The following STAU1 variants were observed in gnomAD, a reference collection of about 807,000 sequenced individuals.
STAU1 encodes double-stranded RNA-binding protein Staufen homolog 1.
A neutral mutation model predicts 62.9 loss-of-function variants in STAU1; 13 were observed. The ratio of observed to expected loss-of-function variants is 0.21; its 90% CI spans 0.13 to 0.33. STAU1 has a LOEUF of 0.33. Among genes scored for constraint, STAU1 ranks in the 10% least tolerant of loss-of-function variants. STAU1 has a pLI of 1.00. For missense variants in STAU1, 571 were observed against 712.1 expected (o/e 0.80, Z 2.25); for synonymous variants, 269 against 265.1 (o/e 1.01, Z -0.14).
chr20:49,153,887 C>T (rs754947474), intron 4 of STAU1, 46 bp downstream of exon 4: 9 of 1,519,650 alleles, frequency 5.9e-6, no homozygotes, highest in East Asian at 2.3e-5. Flanking sequence ...AGATCAGACA[C>T]GTTTTCTCCT....
rs778157682 is a variant in STAU1 at position 49,121,267 on chromosome 20, C to T, written c.967-1139G>A. 4.0e-5 allele frequency among the ~76,000 whole-genome samples: 6 copies of T among 151,890 alleles called. No homozygotes were observed. The East Asian group carries it at 5.8e-4, about 15-fold the overall frequency. On this transcript the variant is annotated intron_variant, in intron 8 of 13. Coordinates refer to ENST00000371856, the MANE Select transcript of STAU1 (RefSeq NM_017453.4). ...ACTAAAAATACAAAAAGTAGCTGGG[C>T]GTGATGGTGGGCACCCGTGAATCCC...
At chr20:49,187,782 C>CT (rs11480640) in intron 1 of STAU1, among the ~76,000 whole-genome samples, 11 of 6,272 alleles carry the variant, frequency 1.8e-3, no homozygotes, top group Non-Finnish European at 3.7e-3. Flanking sequence ...GACCCCCCCC[C>CT]CCCCCCGCCT....
At chr20:49,160,301 A>G (rs1036735975) in intron 3 of STAU1, among the ~76,000 whole-genome samples, 2 of 152,230 alleles carry the variant, frequency 1.3e-5, no homozygotes, top group Non-Finnish European at 2.9e-5. Context: ...TCAAATGAAA[A>G]GAAACACTTG....
chr20:49,120,152 G>A lies in STAU1; in HGVS notation c.967-24C>T, dbSNP rs374772809. The stretch of plus-strand genomic sequence containing the variant: ...ACCTGCACAAAGAAGTCAAAACACA[G>A]ACCAGTGCTTAAACCTTCAGAATAA... On this transcript the variant is annotated intron_variant, in intron 8 of 13. Transcript: ENST00000371856. 8.0e-5 allele frequency: 128 copies of A among 1,603,898 alleles called. 1 individual carries two copies. The South Asian group carries it at 8.2e-4, about 10-fold the overall frequency.
chr20:49,202,879 A>G, the STAU1 span, among the ~76,000 whole-genome samples: 1 of 151,760 alleles, frequency 6.6e-6, no homozygotes, highest in Non-Finnish European at 1.5e-5. Flanking sequence ...TGTCTCTACT[A>G]AAAATACAAA....
chr20:49,155,809 G>A (rs1274441952), intron 3 of STAU1, among the ~76,000 whole-genome samples: 2 of 152,180 alleles, frequency 1.3e-5, no homozygotes, highest in Admixed American at 6.5e-5. Context: ...GAATTTGTCT[G>A]CAATAGAGAA....
upstream of STAU1, among the ~76,000 whole-genome samples, chr20:49,189,652 A>C (rs1053271509): frequency 6.6e-6 from 1 of 151,084 alleles, no homozygotes. Flanking sequence ...AGAATCTTGA[A>C]CTTCTGCACA....
chr20:49,217,024 C>T, the STAU1 span, among the ~76,000 whole-genome samples: 1 of 152,192 alleles, frequency 6.6e-6, no homozygotes, highest in Non-Finnish European at 1.5e-5. Flanking sequence ...GCTGATGTCT[C>T]TGAGCCCAGA....
chr20:49,153,906 CAAA>C (rs3092191), intron 4 of STAU1, 24 bp downstream of exon 4: 319,999 of 1,342,440 alleles, frequency 0.24, 6,354 homozygotes, highest in African/African-American at 0.44. Context: ...CTGTATTTTA[CAAA>C]AAAAAAAAAA....
chr20:49,125,511 T>C (rs572082812), intron 6 of STAU1, among the ~76,000 whole-genome samples: 10 of 114,266 alleles, frequency 8.8e-5, no homozygotes, highest in East Asian at 4.9e-4. Flanking sequence ...GCCTAAGCGA[T>C]AGAGTAAGAC....
rs112632454 is a variant in STAU1 at position 49,158,207 on chromosome 20, G to A, written c.206-4136C>T. Among the ~76,000 whole-genome samples, 71 of 152,174 alleles carry A rather than the reference G, an allele frequency of 4.7e-4. 2 individuals are homozygous for A. In the East Asian group the frequency reaches 5.3e-3, roughly 11 times the overall value. ...TGAGGCAAGAGAATCACTTGAACCC[G>A]GGAGGTTGCGGTTGCAGTGAGCCGA... On this transcript the variant is annotated intron_variant, in intron 3 of 13. Coordinates refer to ENST00000371856, the MANE Select transcript of STAU1 (RefSeq NM_017453.4).
chr20:49,126,241 T>C (rs2092609493), intron 6 of STAU1, among the ~76,000 whole-genome samples: 1 of 151,702 alleles, frequency 6.6e-6, no homozygotes, highest in Admixed American at 6.6e-5. Flanking sequence ...TCATGGACAT[T>C]ATCAAGAAAG....
intron 3 of STAU1, among the ~76,000 whole-genome samples, chr20:49,160,633 C>A (rs914222936): frequency 6.6e-6 from 1 of 152,126 alleles, no homozygotes; most frequent in African/African-American, 2.4e-5. Context: ...AGACTGAATT[C>A]TTGAATAATG....
At chr20:49,191,346 A>AT (rs368233424), upstream of STAU1, among the ~76,000 whole-genome samples, 978 of 152,206 alleles carry the variant, frequency 6.4e-3, 12 homozygotes, top group African/African-American at 0.023. Flanking sequence ...TTCCACTCTC[A>AT]TAGCCTCTTA....
intron 3 of STAU1, chr20:49,159,056 AG>A (rs2093410697): frequency 7.9e-7 from 1 of 1,266,782 alleles, no homozygotes; most frequent in Non-Finnish European, 1.0e-6. Context: ...CCTGGCAGGC[AG>A]GAAGGTCAAA....
chr20:49,175,918 C>T (rs2093654985), intron 1 of STAU1, among the ~76,000 whole-genome samples: 1 of 151,840 alleles, frequency 6.6e-6, no homozygotes, highest in Admixed American at 6.6e-5. Context: ...CCTCAGCCTC[C>T]CAAGTAGCTG....
At chr20:49,199,463 T>C in the STAU1 span, among the ~76,000 whole-genome samples, 3 of 151,348 alleles carry the variant, frequency 2.0e-5, no homozygotes, top group African/African-American at 7.3e-5. Flanking sequence ...TCTCTTGACC[T>C]TGTGATCCGC....
At chr20:49,141,426 CA>C (rs1432379495) in intron 5 of STAU1, among the ~76,000 whole-genome samples, 1 of 151,884 alleles carries the variant, frequency 6.6e-6, no homozygotes, top group Non-Finnish European at 1.5e-5. Context: ...TTAATCTCTA[CA>C]AAAAAATTTT....
chr20:49,159,210 C>A (rs1344326915), intron 3 of STAU1: 2 of 1,004,718 alleles, frequency 2.0e-6, no homozygotes, highest in East Asian at 9.9e-5. Flanking sequence ...TAGGACTTTC[C>A]CCATCCGGTG....
Sources: gnomAD v4.1 joint callset for allele counts (sites outside exome capture counted in the v4.1 genomes callset) on GRCh38, gnomAD v4.1.1 for gene constraint, MANE v1.5 for transcripts, NCBI Gene and HGNC (gene_info 2026-07-23, HGNC 2026-07-21) for gene names.